Variants in XPO4 observed in about 807,000 individuals in gnomAD.
XPO4 encodes exportin 4, also known as exportin-4.
XPO4 carries 39 observed loss-of-function variants against 143.0 expected under a neutral mutation model. That is an observed-to-expected ratio of 0.27 (90% CI 0.21 to 0.36). The LOEUF (loss-of-function observed/expected upper bound fraction) is 0.36, where lower values mean the gene tolerates loss of function less well. Among genes scored for constraint, XPO4 ranks in the 10% least tolerant of loss-of-function variants. The pLI is 1.00. For missense variants in XPO4, 907 were observed against 1,348.0 expected (o/e 0.67, Z 5.12); for synonymous variants, 439 against 474.0 (o/e 0.93, Z 0.96).
chr13:20,860,225 T>C (rs1453172528), intron 3 of XPO4, among the ~76,000 whole-genome samples: 2 of 152,246 alleles, frequency 1.3e-5, no homozygotes, highest in Admixed American at 1.3e-4. Context: ...ATAAATAGAC[T>C]GCTCTTCAGA....
intron 22 of XPO4, among the ~76,000 whole-genome samples, chr13:20,784,628 G>A (rs2059177971): frequency 6.6e-6 from 1 of 152,184 alleles, no homozygotes; most frequent in African/African-American, 2.4e-5. Context: ...AATTCAACCA[G>A]GACAGAGGTA....
rs917154799 is a variant in XPO4 at position 20,837,383 on chromosome 13, T to G, written c.727+5512A>C. On this transcript the variant is annotated intron_variant, in intron 6 of 22. Coordinates refer to ENST00000255305, the MANE Select transcript of XPO4 (RefSeq NM_022459.5). ...AGAATCAATGTTAAAGAGTTATGAT[T>G]TGTTTTCTTTCTTCTCCTTTTTTTT... is the stretch of plus-strand genomic sequence containing the variant. Among the ~76,000 whole-genome samples, 4 of 152,204 alleles carry G rather than the reference T, an allele frequency of 2.6e-5. No homozygotes were observed. The South Asian group carries it at 8.3e-4, about 32-fold the overall frequency.
At chr13:20,868,512 G>T (rs1595146524) in intron 2 of XPO4, 84 bp downstream of exon 2, 1 of 1,481,220 alleles carries the variant, frequency 6.8e-7, no homozygotes. Context: ...TTTTAAAAAG[G>T]AATTTAAAAT....
At chr13:20,856,115 A>G (rs1595135478) in intron 3 of XPO4, among the ~76,000 whole-genome samples, 1 of 152,190 alleles carries the variant, frequency 6.6e-6, no homozygotes, top group African/African-American at 2.4e-5. Flanking sequence ...GGAAGTGTTC[A>G]ACAGATGTAA....
At chr13:20,875,058 T>C (rs1243140772) in intron 1 of XPO4, among the ~76,000 whole-genome samples, 1 of 152,108 alleles carries the variant, frequency 6.6e-6, no homozygotes, top group Non-Finnish European at 1.5e-5. Context: ...CAGCAGAAAA[T>C]TGACTAAGAC....
chr13:20,881,338 G>A (rs576834179), intron 1 of XPO4, among the ~76,000 whole-genome samples: 108 of 151,856 alleles, frequency 7.1e-4, no homozygotes, highest in Middle Eastern at 3.4e-3. Context: ...GCAAAATTTC[G>A]GCTCACTGCA....
At chr13:20,871,460 C>CA (rs1385451353) in intron 1 of XPO4, among the ~76,000 whole-genome samples, 1 of 152,220 alleles carries the variant, frequency 6.6e-6, no homozygotes, top group Non-Finnish European at 1.5e-5. Flanking sequence ...ACTGGGACTA[C>CA]AGGGGCATGC....
At position 20,842,944 on chromosome 13, in the gene XPO4, G is replaced by GT; in HGVS notation, c.677dup (p.Tyr226Ter). The GT allele has an allele frequency of 6.2e-7, 1 of 1,613,382 alleles. No individual in the cohort carries two copies. The highest frequency in any genetic ancestry group is 8.5e-7 in the Non-Finnish European group (1 of 1,179,454). ...TCAAGACTTGATTGGCGAGTGCAAGGTAACGCTGAAATACTGAAGACATCT... is the reference window on the plus strand; with the variant it reads ...TCAAGACTTGATTGGCGAGTGCAAGGTTAACGCTGAAATACTGAAGACATCT... Reference protein sequence around the residue: ...NAQMSSVFQRYLALANQVLSW... With the variant: ...NAQMSSVFQR The change falls in exon 6 of 23, where the codon TAC becomes TAAC. Residue 226 changes from tyrosine to a stop codon, truncating the protein, a stop_gained and frameshift_variant. Coordinates refer to ENST00000255305, the MANE Select transcript of XPO4 (RefSeq NM_022459.5). LOFTEE classifies it high-confidence loss of function.
At chr13:20,900,171 G>A (rs1478405141) in intron 1 of XPO4, among the ~76,000 whole-genome samples, 2 of 152,210 alleles carry the variant, frequency 1.3e-5, no homozygotes, top group Non-Finnish European at 2.9e-5. Context: ...TGGATCACGA[G>A]GTCAGGAGTT....
chr13:20,797,863 G>A (rs976705202), intron 16 of XPO4, among the ~76,000 whole-genome samples: 5 of 152,104 alleles, frequency 3.3e-5, no homozygotes, highest in African/African-American at 9.7e-5. Flanking sequence ...TTTGATAATA[G>A]AGTTGGCCGG....
intron 4 of XPO4, among the ~76,000 whole-genome samples, chr13:20,853,391 CCAG>C (rs1413346921): frequency 6.6e-6 from 1 of 151,160 alleles, no homozygotes; most frequent in African/African-American, 2.4e-5. Flanking sequence ...TACCTTAATC[CCAG>C]CTACTCGAGA....
rs540698785 is a variant in XPO4, at chr13:20,779,398, G to C, written c.*4324C>G. On this transcript the variant is annotated 3_prime_UTR_variant, in exon 23 of 23. Transcript: ENST00000255305. ...GTGCAGATGCAGTATATAATTTCAG[G>C]CTAGGAAAATTAGCTACTAGTATGT... 28 of 152,600 alleles carry C rather than the reference G, an allele frequency of 1.8e-4. No homozygotes were observed. Among genetic ancestry groups the C allele is most frequent in the African/African-American group, 6.0e-4 (25 of 41,530 alleles). 9.5% of individuals were successfully genotyped at this position (152,600 alleles called of 1,614,324 possible).
chr13:20,841,745 T>C (rs1472928737), intron 6 of XPO4, among the ~76,000 whole-genome samples: 1 of 151,992 alleles, frequency 6.6e-6, no homozygotes, highest in Admixed American at 6.6e-5. Flanking sequence ...AATGTCATAA[T>C]TTTACCAGCC....
intron 2 of XPO4, among the ~76,000 whole-genome samples, chr13:20,864,404 C>T (rs1022060558): frequency 3.3e-5 from 5 of 152,046 alleles, no homozygotes; most frequent in African/African-American, 9.7e-5. Context: ...GGACAAGAAA[C>T]CGGAAATCCT....
At chr13:20,902,371 C>T in intron 1 of XPO4, 1 of 985,408 alleles carries the variant, frequency 1.0e-6, no homozygotes, top group Non-Finnish European at 1.2e-6. Context: ...TGCTCTGCGA[C>T]CCAGTCTGTG....
intron 22 of XPO4, among the ~76,000 whole-genome samples, chr13:20,784,300 CAT>C (rs1452450570): frequency 6.6e-6 from 1 of 152,176 alleles, no homozygotes; most frequent in African/African-American, 2.4e-5. Flanking sequence ...GCGTTTGACA[CAT>C]AATCTAAGTC....
intron 9 of XPO4, among the ~76,000 whole-genome samples, chr13:20,817,832 A>G (rs531840296): frequency 7.7e-4 from 117 of 152,246 alleles, no homozygotes; most frequent in African/African-American, 2.8e-3. Flanking sequence ...GCCTTGCTGT[A>G]TTACCCAGGC....
intron 6 of XPO4, among the ~76,000 whole-genome samples, chr13:20,830,949 A>G (rs1304826656): frequency 1.3e-5 from 2 of 152,118 alleles, no homozygotes; most frequent in African/African-American, 4.8e-5. Flanking sequence ...TGTGGGCAGA[A>G]TAATGATACA....
chr13:20,813,069 G>T (rs139698919), intron 9 of XPO4, among the ~76,000 whole-genome samples: 1 of 152,158 alleles, frequency 6.6e-6, no homozygotes, highest in South Asian at 2.1e-4. Context: ...GGTGGAAGGC[G>T]AAGGGGAAGC....
Sources: gnomAD v4.1 joint callset for allele counts (sites outside exome capture counted in the v4.1 genomes callset) on GRCh38, gnomAD v4.1.1 for gene constraint, MANE v1.5 for transcripts, NCBI Gene and HGNC (gene_info 2026-07-23, HGNC 2026-07-21) for gene names.